TNFRSF21: variants seen among roughly 807,000 people sequenced by gnomAD.
The protein encoded by TNFRSF21 is tumor necrosis factor receptor superfamily member 21.
Under a neutral mutation model 45.6 loss-of-function variants are expected in TNFRSF21, and 19 were observed. The ratio of observed to expected loss-of-function variants is 0.42; its 90% CI spans 0.29 to 0.61. The LOEUF (loss-of-function observed/expected upper bound fraction) is 0.61, where lower values mean the gene tolerates loss of function less well. Ranked by LOEUF, TNFRSF21 falls within the 20% of genes least tolerant of loss-of-function variation. The probability of loss-of-function intolerance (pLI) is 0.23; values close to 1 mark genes in which losing one functional copy is unlikely to be tolerated. For synonymous variants in TNFRSF21, 314 were observed against 335.5 expected (o/e 0.94, Z 0.70); for missense variants, 737 against 851.5 (o/e 0.87, Z 1.67).
At chr6:47,273,197 C>A (rs1365096382) in intron 3 of TNFRSF21, among the ~76,000 whole-genome samples, 11 of 152,172 alleles carry the variant, frequency 7.2e-5, no homozygotes, top group Non-Finnish European at 2.9e-5. Flanking sequence ...CAAGGCCTGG[C>A]AGAGACACAA....
chr6:47,253,125 C>T (rs1390416890), intron 4 of TNFRSF21, 131 bp downstream of exon 4: 6 of 1,066,426 alleles, frequency 5.6e-6, no homozygotes, highest in South Asian at 1.6e-5. Context: ...TGTGTGCAGG[C>T]GTATGCGTGT....
intron 3 of TNFRSF21, among the ~76,000 whole-genome samples, chr6:47,261,939 G>C (rs1323588788): frequency 6.6e-6 from 1 of 152,206 alleles, no homozygotes; most frequent in Non-Finnish European, 1.5e-5. Context: ...ACAGGAAACT[G>C]CTTTATTAGT....
intron 1 of TNFRSF21, among the ~76,000 whole-genome samples, chr6:47,298,415 C>T (rs969296265): frequency 6.6e-6 from 1 of 151,588 alleles, no homozygotes; most frequent in Admixed American, 6.6e-5. Context: ...CATGACTGAA[C>T]TACAGCCTGG....
At chr6:47,233,448 A>G (rs1014847226) in intron 5 of TNFRSF21, among the ~76,000 whole-genome samples, 3 of 152,180 alleles carry the variant, frequency 2.0e-5, no homozygotes, top group Non-Finnish European at 4.4e-5. Context: ...CCCTTTCCAA[A>G]TGATCAAAAA....
intron 4 of TNFRSF21, among the ~76,000 whole-genome samples, chr6:47,239,586 A>C (rs1764717554): frequency 6.6e-6 from 1 of 152,214 alleles, no homozygotes; most frequent in African/African-American, 2.4e-5. Context: ...CTCCAGCCTC[A>C]ACTGCCATCT....
At chr6:47,279,178 C>G (rs1270016645) in intron 3 of TNFRSF21, among the ~76,000 whole-genome samples, 2 of 152,116 alleles carry the variant, frequency 1.3e-5, no homozygotes, top group African/African-American at 4.8e-5. Flanking sequence ...TCTAGGCCCA[C>G]TAGTTGCTGA....
intron 1 of TNFRSF21, among the ~76,000 whole-genome samples, chr6:47,298,414 A>C (rs1012085590): frequency 1.3e-5 from 2 of 152,090 alleles, no homozygotes; most frequent in Non-Finnish European, 2.9e-5. Context: ...ACATGACTGA[A>C]CTACAGCCTG....
intron 1 of TNFRSF21, 62 bp downstream of exon 1, chr6:47,309,354 C>T (rs1762983715): frequency 6.0e-6 from 9 of 1,492,236 alleles, no homozygotes; most frequent in Admixed American, 2.2e-5. Flanking sequence ...CCGCCCGGCT[C>T]CCGGAGAGCG....
intron 3 of TNFRSF21, among the ~76,000 whole-genome samples, chr6:47,267,090 T>C (rs1762344254): frequency 1.1e-5 from 1 of 90,668 alleles, no homozygotes; most frequent in East Asian, 3.7e-4. Flanking sequence ...ATTTTCTTTT[T>C]TCTTTTTTTT....
chr6:47,287,487 T>TA (rs1244138844), intron 1 of TNFRSF21, among the ~76,000 whole-genome samples: 2 of 151,868 alleles, frequency 1.3e-5, no homozygotes, highest in Non-Finnish European at 2.9e-5. Context: ...TGTATTTTAA[T>TA]AAAAAATGTA....
chr6:47,286,346 G>A lies in TNFRSF21; in HGVS notation c.346C>T (p.Pro116Ser). Residue 116 changes from proline to serine, a missense_variant, in exon 2 of 6, where the codon CCA becomes TCA. Physicochemically the swap from Pro to Ser is moderately conservative, Grantham distance 74 (BLOSUM62 -1). Transcript: ENST00000296861. ...GCACAAGGTAATTTCTCAATCATTG[G>A]CCATGGGCATGGCTGACTACAGTCA... ...CHDCSQPCPWPMIEKLPCAAL... is the reference protein window; with the variant it reads ...CHDCSQPCPWSMIEKLPCAAL... 6.2e-7 allele frequency: 1 copy of A among 1,614,198 alleles called. No individual in the cohort carries two copies. Among genetic ancestry groups the A allele is most frequent in the African/African-American group, 1.3e-5 (1 of 75,048 alleles).
chr6:47,263,265 A>C (rs1290966920), intron 3 of TNFRSF21, among the ~76,000 whole-genome samples: 1 of 152,152 alleles, frequency 6.6e-6, no homozygotes, highest in African/African-American at 2.4e-5. Flanking sequence ...ATGGTTTGTA[A>C]TTTGGTGTTA....
At chr6:47,290,414 T>G (rs552951459) in intron 1 of TNFRSF21, among the ~76,000 whole-genome samples, 28 of 152,002 alleles carry the variant, frequency 1.8e-4, no homozygotes, top group African/African-American at 6.8e-4. Context: ...GGGTGTGGAG[T>G]TGGGGTAGGC....
rs535155133 is a variant in TNFRSF21 at position 47,272,498 on chromosome 6, T to A, written c.1243+11440A>T. Among the ~76,000 whole-genome samples, 44 of 152,194 alleles carry A rather than the reference T, an allele frequency of 2.9e-4. 2 individuals are homozygous for A. The highest frequency in any genetic ancestry group is 4.4e-5 in the Non-Finnish European group (3 of 68,046). On this transcript the variant is annotated intron_variant, in intron 3 of 5. Coordinates refer to ENST00000296861, the MANE Select transcript of TNFRSF21 (RefSeq NM_014452.5). ...CAAAGACACAACGTACCAGAATCTCTGGGACACATTTAAAGCAGTGTGTAG... is the reference window on the plus strand; with the variant it reads ...CAAAGACACAACGTACCAGAATCTCAGGGACACATTTAAAGCAGTGTGTAG...
intron 1 of TNFRSF21, among the ~76,000 whole-genome samples, chr6:47,293,702 C>T (rs1452446599): frequency 1.3e-5 from 2 of 152,216 alleles, no homozygotes; most frequent in Non-Finnish European, 2.9e-5. Flanking sequence ...CCAACTCACA[C>T]TCCAAATCTC....
intron 3 of TNFRSF21, among the ~76,000 whole-genome samples, chr6:47,254,377 T>C (rs771970418): frequency 3.3e-5 from 5 of 152,212 alleles, no homozygotes; most frequent in Non-Finnish European, 7.3e-5. Context: ...ATTTCTGGAA[T>C]TTCCCATTTA....
At chr6:47,254,528 A>G (rs1764952620) in intron 3 of TNFRSF21, among the ~76,000 whole-genome samples, 1 of 152,196 alleles carries the variant, frequency 6.6e-6, no homozygotes, top group Admixed American at 6.5e-5. Context: ...ACTTCATGAC[A>G]TTTAGAAAAA....
chr6:47,249,920 G>C (rs1007129220), intron 4 of TNFRSF21, among the ~76,000 whole-genome samples: 4 of 151,924 alleles, frequency 2.6e-5, no homozygotes, highest in African/African-American at 9.7e-5. Context: ...ATTATTCCAA[G>C]AGAAAGCAAG....
intron 1 of TNFRSF21, among the ~76,000 whole-genome samples, chr6:47,307,658 G>A (rs904836964): frequency 2.6e-5 from 4 of 152,136 alleles, no homozygotes; most frequent in Non-Finnish European, 4.4e-5. Flanking sequence ...ACAGGCATAA[G>A]CCAGGGTGCC....
Sources: gnomAD v4.1 joint callset for allele counts (sites outside exome capture counted in the v4.1 genomes callset) on GRCh38, gnomAD v4.1.1 for gene constraint, MANE v1.5 for transcripts, NCBI Gene and HGNC (gene_info 2026-07-23, HGNC 2026-07-21) for gene names.